ARHGEF3: variants seen among roughly 807,000 people sequenced by gnomAD.
ARHGEF3 encodes the protein Rho guanine nucleotide exchange factor 3.
A neutral mutation model predicts 63.2 loss-of-function variants in ARHGEF3; 28 were observed. The observed-to-expected ratio is 0.44, with a 90% CI of 0.33 to 0.61. The LOEUF is 0.61. Among genes scored for constraint, ARHGEF3 ranks in the 20% least tolerant of loss-of-function variants. The pLI, the probability that ARHGEF3 is intolerant of heterozygous loss-of-function variation, is 0.03. For synonymous variants in ARHGEF3, 266 were observed against 254.2 expected (o/e 1.05, Z -0.44); for missense variants, 533 against 659.3 (o/e 0.81, Z 2.10).
chr3:56,740,704 AT>A (rs1359598256), intron 7 of ARHGEF3, among the ~76,000 whole-genome samples: 2 of 152,226 alleles, frequency 1.3e-5, no homozygotes, highest in Non-Finnish European at 2.9e-5. Context: ...TATTTTTAAT[AT>A]ATAGTGAAAT....
At chr3:57,045,082 C>T (rs1049186434) in intron 1 of ARHGEF3, among the ~76,000 whole-genome samples, 11 of 152,142 alleles carry the variant, frequency 7.2e-5, no homozygotes, top group Non-Finnish European at 1.2e-4. Flanking sequence ...GCCTGGCCAA[C>T]AGGGTGAAAC....
chr3:56,736,642 A>G (rs2033642881), intron 8 of ARHGEF3, among the ~76,000 whole-genome samples: 1 of 152,232 alleles, frequency 6.6e-6, no homozygotes, highest in Non-Finnish European at 1.5e-5. Context: ...CAAAGCCAAG[A>G]TCAGACAAAA....
At chr3:56,760,503 C>T (rs2035357594) in intron 2 of ARHGEF3, among the ~76,000 whole-genome samples, 2 of 152,146 alleles carry the variant, frequency 1.3e-5, no homozygotes, top group South Asian at 2.1e-4. Flanking sequence ...GATTGCTGGG[C>T]TCAGGGTACT....
intron 3 of ARHGEF3, chr3:56,916,429 A>G: frequency 1.4e-6 from 2 of 1,454,970 alleles, no homozygotes; most frequent in South Asian, 2.8e-5. Flanking sequence ...AGGGCTGAGC[A>G]TAGTTTCCCT....
intron 2 of ARHGEF3, among the ~76,000 whole-genome samples, chr3:57,001,739 G>A (rs190266501): frequency 4.9e-4 from 74 of 152,180 alleles, no homozygotes; most frequent in Non-Finnish European, 7.6e-4. Context: ...AGGGGATGGC[G>A]GAGTGAAAAG....
chr3:57,075,113 G>T, intron 1 of ARHGEF3: 1 of 167,244 alleles, frequency 6.0e-6, no homozygotes. Flanking sequence ...TTGTCCATGA[G>T]GCTGCTCCCT....
rs372473839 is a variant in ARHGEF3 at position 56,758,237 on chromosome 3, C to T, written c.205-3086G>A. 1.3e-4 allele frequency among the ~76,000 whole-genome samples: 20 copies of T among 150,700 alleles called. No homozygotes were observed. The East Asian group carries it at 3.8e-3, about 28-fold the overall frequency. On this transcript the variant is annotated intron_variant, in intron 2 of 9. Transcript: ENST00000296315. ...TGGAGATTGTAGTAAGCTGAGATTG[C>T]GCCACTGTACTCCAGCCTGGGCGAC...
intron 1 of ARHGEF3, among the ~76,000 whole-genome samples, chr3:56,794,060 A>G (rs2037220914): frequency 6.6e-6 from 1 of 152,196 alleles, no homozygotes; most frequent in Non-Finnish European, 1.5e-5. Flanking sequence ...AAGTTAAGGG[A>G]ACCAGGAATA....
At chr3:56,963,895 G>A (rs1222657131) in intron 2 of ARHGEF3, among the ~76,000 whole-genome samples, 1 of 152,156 alleles carries the variant, frequency 6.6e-6, no homozygotes, top group Non-Finnish European at 1.5e-5. Flanking sequence ...CTGTGAAGAG[G>A]TAGTTTGCAG....
chr3:57,054,285 T>C (rs1298959596), intron 1 of ARHGEF3, among the ~76,000 whole-genome samples: 1 of 152,098 alleles, frequency 6.6e-6, no homozygotes, highest in Non-Finnish European at 1.5e-5. Flanking sequence ...TTTGTGGTCA[T>C]TTGGATATTC....
At chr3:56,971,573 C>T (rs1474892816) in intron 2 of ARHGEF3, among the ~76,000 whole-genome samples, 3 of 151,092 alleles carry the variant, frequency 2.0e-5, no homozygotes, top group Admixed American at 1.3e-4. Context: ...GGGTTAAGGC[C>T]GGGCGCGGTG....
chr3:56,774,314 A>T (rs1304991836), intron 1 of ARHGEF3, among the ~76,000 whole-genome samples: 1 of 152,092 alleles, frequency 6.6e-6, no homozygotes, highest in Non-Finnish European at 1.5e-5. Context: ...AAAAAAAAAA[A>T]TTTAAAAAAG....
At chr3:56,730,038 A>G (rs1174037017) in intron 9 of ARHGEF3, among the ~76,000 whole-genome samples, 2 of 152,216 alleles carry the variant, frequency 1.3e-5, no homozygotes, top group Non-Finnish European at 2.9e-5. Context: ...TGAGCAATAT[A>G]GTGACGCCTT....
intron 3 of ARHGEF3, among the ~76,000 whole-genome samples, chr3:56,886,369 C>T (rs1027810587): frequency 2.0e-5 from 3 of 152,082 alleles, no homozygotes; most frequent in African/African-American, 4.8e-5. Flanking sequence ...TTGCCCAACT[C>T]GAGAGGGCCA....
At chr3:56,954,109 G>T (rs1463887987) in intron 3 of ARHGEF3, among the ~76,000 whole-genome samples, 1 of 152,108 alleles carries the variant, frequency 6.6e-6, no homozygotes, top group African/African-American at 2.4e-5. Context: ...TAAAGACCAG[G>T]CACTGGAGAA....
chr3:56,876,518 A>G (rs961438614), intron 4 of ARHGEF3, among the ~76,000 whole-genome samples: 6 of 152,148 alleles, frequency 3.9e-5, no homozygotes, highest in African/African-American at 1.4e-4. Context: ...AACATCTGCC[A>G]TGTGGATTTC....
intron 1 of ARHGEF3, among the ~76,000 whole-genome samples, chr3:56,801,298 G>C (rs562953219): frequency 6.6e-6 from 1 of 152,340 alleles, no homozygotes; most frequent in Admixed American, 6.5e-5. Context: ...CTCGCTTAAA[G>C]GGTAGCGACA....
intron 7 of ARHGEF3, among the ~76,000 whole-genome samples, chr3:56,738,305 T>C (rs1277783120): frequency 6.6e-6 from 1 of 152,082 alleles, no homozygotes; most frequent in Non-Finnish European, 1.5e-5. Flanking sequence ...CCCAAAGTGC[T>C]GGGATTACAA....
At chr3:56,968,131 AT>A (rs1373729837) in intron 2 of ARHGEF3, among the ~76,000 whole-genome samples, 5 of 41,320 alleles carry the variant, frequency 1.2e-4, no homozygotes, top group South Asian at 8.6e-4. Flanking sequence ...TAAAACATAT[AT>A]TTTTATATAT....
Sources: allele counts gnomAD v4.1 joint callset (sites outside exome capture counted in the v4.1 genomes callset), GRCh38; gene constraint gnomAD v4.1.1; transcripts MANE v1.5; gene names NCBI Gene and HGNC (gene_info 2026-07-23, HGNC 2026-07-21).